The following UNC5D variants were observed in gnomAD, a reference collection of about 807,000 sequenced individuals.
UNC5D encodes the protein netrin receptor UNC5D.
Under a neutral mutation model 105.4 loss-of-function variants are expected in UNC5D, and 39 were observed. The observed-to-expected ratio is 0.37, with a 90% CI of 0.29 to 0.48. The LOEUF is 0.48. UNC5D is among the 20% of genes least tolerant of loss of function. The pLI is 0.98. For missense variants in UNC5D, 991 were observed against 1,202.4 expected (o/e 0.82, Z 2.60); for synonymous variants, 452 against 450.4 (o/e 1.00, Z -0.04).
rs538944457 is a variant in UNC5D at position 35,792,041 on chromosome 8, C to G, written c.*1478C>G. The G allele has an allele frequency of 1.3e-5, 2 of 152,246 alleles. No individual in the cohort carries two copies. The highest frequency in any genetic ancestry group is 4.8e-5 in the African/African-American group (2 of 41,556). The allele number at this position is 152,246 out of a possible 1,614,324, so 9.4% of individuals were successfully genotyped here. A position where few individuals can be genotyped will look rare whatever the true frequency, so the allele number is the denominator to read the frequency against. On this transcript the variant is annotated 3_prime_UTR_variant, in exon 17 of 17. Coordinates refer to ENST00000404895, the MANE Select transcript of UNC5D (RefSeq NM_080872.4). ...TATTCACAATCAGGACAACCAAAGT[C>G]AAGGACCCAGATGAACCACAAGGCA...
chr8:35,555,461 ATC>A (rs1816473659), intron 2 of UNC5D, among the ~76,000 whole-genome samples: 1 of 152,186 alleles, frequency 6.6e-6, no homozygotes, highest in Admixed American at 6.5e-5. Context: ...TCGACCATAC[ATC>A]TGTCTCAAAG....
intron 2 of UNC5D, among the ~76,000 whole-genome samples, chr8:35,557,607 A>G (rs1383536214): frequency 6.6e-6 from 1 of 152,088 alleles, no homozygotes; most frequent in Non-Finnish European, 1.5e-5. Flanking sequence ...GTTCCATGAC[A>G]TTTCTTCCCT....
chr8:35,658,634 T>C (rs1382139462), intron 4 of UNC5D, among the ~76,000 whole-genome samples: 2 of 148,824 alleles, frequency 1.3e-5, no homozygotes, highest in African/African-American at 5.0e-5. Flanking sequence ...AGGGAGGAAT[T>C]CATGAGTGAC....
chr8:35,507,585 G>C (rs182841521), intron 1 of UNC5D, among the ~76,000 whole-genome samples: 167 of 151,868 alleles, frequency 1.1e-3, no homozygotes, highest in Non-Finnish European at 2.0e-3. Context: ...AGAGCAGAAG[G>C]ATGGTTACCA....
At chr8:35,395,018 T>A (rs1174842777) in intron 1 of UNC5D, among the ~76,000 whole-genome samples, 1 of 152,202 alleles carries the variant, frequency 6.6e-6, no homozygotes, top group Admixed American at 6.5e-5. Context: ...TCCCTCAGCT[T>A]TCTTTGGCTG....
At chr8:35,525,401 G>A (rs907060788) in intron 1 of UNC5D, 25 of 1,612,102 alleles carry the variant, frequency 1.6e-5, no homozygotes, top group Non-Finnish European at 2.0e-5. Flanking sequence ...TAATGGTCTT[G>A]TGAATGGTCT....
chr8:35,619,515 G>A lies in UNC5D; in HGVS notation c.570+23858G>A, dbSNP rs78154722. ...TGAAAAAAAACTGGACTTTTCACTCGTAGGTGGTAGGGAGCCATTGAGCGA... is the reference window on the plus strand; with the variant it reads ...TGAAAAAAAACTGGACTTTTCACTCATAGGTGGTAGGGAGCCATTGAGCGA... On this transcript the variant is annotated intron_variant, in intron 4 of 16. Coordinates refer to ENST00000404895, the MANE Select transcript of UNC5D (RefSeq NM_080872.4). 5.4e-3 allele frequency among the ~76,000 whole-genome samples: 816 copies of A among 152,272 alleles called. 10 individuals are homozygous for A. The highest frequency in any genetic ancestry group is 0.018 in the African/African-American group (733 of 41,562).
intron 13 of UNC5D, among the ~76,000 whole-genome samples, chr8:35,752,452 G>A (rs1179750613): frequency 6.6e-6 from 1 of 152,140 alleles, no homozygotes; most frequent in Non-Finnish European, 1.5e-5. Flanking sequence ...GTGACACAGA[G>A]CCAGCCTGTG....
At chr8:35,416,149 T>C (rs1376500392) in intron 1 of UNC5D, among the ~76,000 whole-genome samples, 1 of 151,982 alleles carries the variant, frequency 6.6e-6, no homozygotes, top group East Asian at 1.9e-4. Flanking sequence ...TCTCATGTAG[T>C]CCATAAGTCT....
chr8:35,299,589 C>T (rs920179723), intron 1 of UNC5D, among the ~76,000 whole-genome samples: 5 of 152,150 alleles, frequency 3.3e-5, no homozygotes, highest in Non-Finnish European at 5.9e-5. Flanking sequence ...TGCAAACTGA[C>T]ACAGCTCTTC....
chr8:35,518,303 C>A (rs1163875340), intron 1 of UNC5D, among the ~76,000 whole-genome samples: 1 of 152,108 alleles, frequency 6.6e-6, no homozygotes, highest in Admixed American at 6.5e-5. Context: ...AAAAGCAGCT[C>A]CTCTCAGTGA....
Position 35,508,332 on chromosome 8 carries a change from T to A in UNC5D, c.104-40960T>A, listed in dbSNP as rs574584517. ...ATACAGCTGGGAAGAAAAGTTAAAA[T>A]TCTGACCTAGGTCTAGATTATTTTA... On this transcript the variant is annotated intron_variant, in intron 1 of 16. Transcript: ENST00000404895. Among the ~76,000 whole-genome samples the A allele has an allele frequency of 2.6e-5, 4 of 152,340 alleles. No individual in the cohort carries two copies. In the South Asian group the frequency reaches 8.3e-4, roughly 32 times the overall value.
intron 1 of UNC5D, among the ~76,000 whole-genome samples, chr8:35,327,853 A>G (rs1365066330): frequency 1.3e-5 from 2 of 152,202 alleles, no homozygotes; most frequent in Non-Finnish European, 2.9e-5. Context: ...GAACCCAGAG[A>G]TTCGGATGTT....
intron 3 of UNC5D, among the ~76,000 whole-genome samples, chr8:35,593,251 A>G (rs1208769018): frequency 6.6e-6 from 1 of 152,128 alleles, no homozygotes; most frequent in Non-Finnish European, 1.5e-5. Flanking sequence ...TAAACTAAGT[A>G]TTTTTTTACA....
At chr8:35,656,377 A>G (rs1823737086) in intron 4 of UNC5D, among the ~76,000 whole-genome samples, 1 of 152,220 alleles carries the variant, frequency 6.6e-6, no homozygotes, top group Non-Finnish European at 1.5e-5. Context: ...CATATGGTAT[A>G]TCAGGTTTTT....
At chr8:35,378,561 C>T (rs1802838631) in intron 1 of UNC5D, among the ~76,000 whole-genome samples, 1 of 152,202 alleles carries the variant, frequency 6.6e-6, no homozygotes. Flanking sequence ...TGTCTCCTGC[C>T]AGAGGTGTGA....
intron 1 of UNC5D, among the ~76,000 whole-genome samples, chr8:35,238,014 C>T (rs971849683): frequency 2.6e-5 from 4 of 152,196 alleles, no homozygotes; most frequent in African/African-American, 7.2e-5. Flanking sequence ...CTAGTCTCAC[C>T]ATACTCTCTA....
chr8:35,692,169 T>C (rs1342448995), intron 7 of UNC5D, among the ~76,000 whole-genome samples: 2 of 152,222 alleles, frequency 1.3e-5, no homozygotes, highest in African/African-American at 4.8e-5. Flanking sequence ...TTTGAGTTGA[T>C]GGTTAGGAAA....
At chr8:35,451,086 C>T (rs984361395) in intron 1 of UNC5D, among the ~76,000 whole-genome samples, 24 of 147,654 alleles carry the variant, frequency 1.6e-4, no homozygotes, top group East Asian at 8.0e-4. Flanking sequence ...TCTTGTTTCC[C>T]GGGCTGGAAT....
Sources: gnomAD v4.1 joint callset for allele counts (sites outside exome capture counted in the v4.1 genomes callset) on GRCh38, gnomAD v4.1.1 for gene constraint, MANE v1.5 for transcripts, NCBI Gene and HGNC (gene_info 2026-07-23, HGNC 2026-07-21) for gene names.